Variants in ZNF76 observed in about 807,000 individuals in gnomAD.
ZNF76 encodes the protein zinc finger protein 523.
ZNF76 carries 66 observed loss-of-function variants against 66.9 expected under a neutral mutation model. That is an observed-to-expected ratio of 0.99 (90% CI 0.81 to 1.21). The LOEUF (loss-of-function observed/expected upper bound fraction) is 1.21. Among genes scored for constraint, ZNF76 ranks in the 50% most tolerant of loss-of-function variants. The pLI is 0.00. For missense variants in ZNF76, 729 were observed against 760.3 expected (o/e 0.96, Z 0.48); for synonymous variants, 275 against 296.1 (o/e 0.93, Z 0.73).
chr6:35,261,964 A>G (rs1028064395), intron 1 of ZNF76, among the ~76,000 whole-genome samples: 1 of 152,226 alleles, frequency 6.6e-6, no homozygotes, highest in Non-Finnish European at 1.5e-5. Context: ...TTAGGCCCCT[A>G]TAACAACAGA....
chr6:35,291,340 G>A lies in ZNF76; in HGVS notation c.688G>A (p.Glu230Lys), dbSNP rs1319404307. 6 of 1,614,042 alleles carry A rather than the reference G, an allele frequency of 3.7e-6. No individual in the cohort carries two copies. Among genetic ancestry groups the A allele is most frequent in the Admixed American group, 1.7e-5 (1 of 60,008 alleles). ...TGEKPYKCPE[E>K]LCSKAFKTSG... is the part of the protein sequence containing the mutation. ...TGAGAAACCATACAAGTGCCCAGAG[G>A]AGCTGTGCAGCAAGGCCTTCAAGAC... Residue 230 changes from glutamate to lysine, a missense_variant, in exon 8 of 14, where the codon GAG (glutamate) becomes AAG (lysine). Coordinates refer to ENST00000373953, the MANE Select transcript of ZNF76 (RefSeq NM_003427.5).
intron 12 of ZNF76, chr6:35,294,132 C>T (rs1562137272): frequency 8.1e-6 from 5 of 619,688 alleles, no homozygotes; most frequent in Non-Finnish European, 5.5e-6. Context: ...CTCAATTCAA[C>T]CCTGATTTGT....
chr6:35,285,041 CTTTCTCA>C (rs1442678784), intron 2 of ZNF76, among the ~76,000 whole-genome samples: 8 of 152,254 alleles, frequency 5.3e-5, no homozygotes, highest in Non-Finnish European at 1.2e-4. Context: ...CCTTTCTTTC[CTTTCTCA>C]TTTCTCTTCT....
At chr6:35,282,363 TAA>T (rs60281715) in intron 2 of ZNF76, among the ~76,000 whole-genome samples, 15 of 134,516 alleles carry the variant, frequency 1.1e-4, no homozygotes, top group Non-Finnish European at 1.1e-4. Flanking sequence ...TACCAAGTTC[TAA>T]AAAAAAAAAA....
At chr6:35,283,357 G>A (rs1474376145) in intron 2 of ZNF76, among the ~76,000 whole-genome samples, 1 of 152,178 alleles carries the variant, frequency 6.6e-6, no homozygotes, top group East Asian at 1.9e-4. Context: ...AGGCTTCTCT[G>A]ACTTCTCCTC....
intron 1 of ZNF76, among the ~76,000 whole-genome samples, chr6:35,278,926 A>G (rs2150357323): frequency 6.6e-6 from 1 of 152,346 alleles, no homozygotes; most frequent in Admixed American, 6.5e-5. Flanking sequence ...CTAGAGCCCA[A>G]AGCCTTGTGT....
chr6:35,290,823 C>T, intron 7 of ZNF76, 107 bp downstream of exon 7: 2 of 1,055,942 alleles, frequency 1.9e-6, no homozygotes, highest in Non-Finnish European at 1.4e-6. Context: ...GGAGAAACTA[C>T]CGTCAGAGTA....
intron 13 of ZNF76, 23 bp from the exon 14 acceptor site, chr6:35,295,121 C>G (rs1464609067): frequency 1.3e-5 from 20 of 1,593,690 alleles, no homozygotes; most frequent in Non-Finnish European, 1.7e-5. Flanking sequence ...TGTCTCCTTC[C>G]TTCTGCACCC....
chr6:35,291,767 T>G, intron 9 of ZNF76, 30 bp downstream of exon 9: 1 of 1,600,274 alleles, frequency 6.2e-7, no homozygotes, highest in Non-Finnish European at 8.5e-7. Flanking sequence ...AGGACTACCC[T>G]CACTCAGGCC....
At position 35,287,168 on chromosome 6, in the gene ZNF76, GGAGA is replaced by G. The variant is rs1043607835; in HGVS notation, c.233-473_233-470del. On this transcript the variant is annotated intron_variant, in intron 4 of 13. Coordinates refer to ENST00000373953, the MANE Select transcript of ZNF76 (RefSeq NM_003427.5). The surrounding 1 kb of genome is among the most constrained non-coding windows in gnomAD (Gnocchi z 4.0). Reference sequence around the variant, plus strand: ...AAGGCAGAATGAGCAGGAGGAAACTGGAGAGAGAAAGACAGGGCTGGTGCACTCT... The same window carrying G: ...AAGGCAGAATGAGCAGGAGGAAACTGGAGAAAGACAGGGCTGGTGCACTCT... 2.6e-5 allele frequency among the ~76,000 whole-genome samples: 4 copies of G among 152,144 alleles called. No homozygotes were observed. Among genetic ancestry groups the G allele is most frequent in the Non-Finnish European group, 4.4e-5 (3 of 68,016 alleles).
intron 13 of ZNF76, 147 bp downstream of exon 13, chr6:35,294,716 C>T (rs2150381149): frequency 1.4e-6 from 1 of 706,078 alleles, no homozygotes; most frequent in Non-Finnish European, 2.5e-6. Context: ...CTCCTGCATC[C>T]ATGCATCTGT....
At chr6:35,266,810 T>C (rs1786175756) in intron 1 of ZNF76, among the ~76,000 whole-genome samples, 1 of 138,624 alleles carries the variant, frequency 7.2e-6, no homozygotes, top group Non-Finnish European at 1.6e-5. Flanking sequence ...TTTTTTTTTT[T>C]TTTTTTTTTG....
At chr6:35,261,411 C>T (rs1191613434) in intron 1 of ZNF76, among the ~76,000 whole-genome samples, 1 of 152,174 alleles carries the variant, frequency 6.6e-6, no homozygotes. Flanking sequence ...TTGCTGAATA[C>T]CTACTGTGTG....
chr6:35,291,595 C>T lies in ZNF76; in HGVS notation c.789C>T (p.Gly263=), dbSNP rs1438973343. ...TCCAGTGCCCTTTTGAGGGCTGTGG[C>T]CGCTCCTTCACCACATCTAACATCC... is the stretch of plus-strand genomic sequence containing the variant. ...RPFQCPFEGC[G]RSFTTSNIRK... The change falls in exon 9 of 14, where the codon GGC becomes GGT. Residue 263 remains glycine (G), a synonymous_variant. Transcript: ENST00000373953. The T allele has an allele frequency of 6.2e-7, 1 of 1,614,000 alleles. No homozygotes were observed. Among genetic ancestry groups the T allele is most frequent in the Admixed American group, 1.7e-5 (1 of 60,020 alleles).
At chr6:35,286,297 A>G in intron 3 of ZNF76, 25 bp from the exon 4 acceptor site, 2 of 1,614,006 alleles carry the variant, frequency 1.2e-6, no homozygotes, top group African/African-American at 2.7e-5. Flanking sequence ...GCTCCAGGGA[A>G]AGGCAGGCAT....
intron 6 of ZNF76, 71 bp downstream of exon 6, chr6:35,290,453 T>G (rs566797609): frequency 6.3e-7 from 1 of 1,591,476 alleles, no homozygotes; most frequent in African/African-American, 1.3e-5. Flanking sequence ...CCTTTCTGCT[T>G]TGATTGGAAT....
chr6:35,281,096 T>C lies in ZNF76; in HGVS notation c.-56T>C, dbSNP rs766192182. The C allele has an allele frequency of 3.0e-5, 47 of 1,549,526 alleles. No individual in the cohort carries two copies. The highest frequency in any genetic ancestry group is 4.2e-5 in the Non-Finnish European group (47 of 1,121,382). ...GGAAATCTCTGACCTCAGCTGTGGC[T>C]CTTGGTGCTGGCCAGAAGCCAACTT... On this transcript the variant is annotated 5_prime_UTR_variant, in exon 2 of 14. Transcript: ENST00000373953.
intron 1 of ZNF76, among the ~76,000 whole-genome samples, chr6:35,265,026 C>A (rs1382548705): frequency 6.6e-6 from 1 of 152,108 alleles, no homozygotes; most frequent in Non-Finnish European, 1.5e-5. Context: ...TATATATATT[C>A]ATTCATTCAC....
At chr6:35,260,381 A>G (rs1247794809) in intron 1 of ZNF76, among the ~76,000 whole-genome samples, 2 of 151,548 alleles carry the variant, frequency 1.3e-5, no homozygotes, top group Non-Finnish European at 2.9e-5. Flanking sequence ...GCCCTACTCC[A>G]ATAGTTTTCC....
Sources: allele counts gnomAD v4.1 joint callset (sites outside exome capture counted in the v4.1 genomes callset), GRCh38; gene constraint gnomAD v4.1.1; non-coding constraint Gnocchi (gnomAD v3.1); transcripts MANE v1.5; gene names NCBI Gene and HGNC (gene_info 2026-07-23, HGNC 2026-07-21).